CTDSPL2: variants seen among roughly 807,000 people sequenced by gnomAD.
CTDSPL2 encodes CTD small phosphatase like 2, also known as CTD small phosphatase-like protein 2.
Under a neutral mutation model 60.0 loss-of-function variants are expected in CTDSPL2, and 5 were observed. That is an observed-to-expected ratio of 0.08 (90% CI 0.04 to 0.18). CTDSPL2 has a LOEUF of 0.18. Ranked by LOEUF, CTDSPL2 falls within the 10% of genes least tolerant of loss-of-function variation. The probability of loss-of-function intolerance (pLI) is 1.00; values close to 1 mark genes in which losing one functional copy is unlikely to be tolerated. For synonymous variants in CTDSPL2, 186 were observed against 189.3 expected (o/e 0.98, Z 0.14); for missense variants, 370 against 548.8 (o/e 0.67, Z 3.26).
intron 2 of CTDSPL2, among the ~76,000 whole-genome samples, chr15:44,479,087 A>AC (rs2080977298): frequency 6.6e-6 from 1 of 152,058 alleles, no homozygotes; most frequent in Non-Finnish European, 1.5e-5. Context: ...CAAAAAAAAA[A>AC]AAACAAGTTT....
chr15:44,433,593 C>T (rs1456096866), intron 1 of CTDSPL2, among the ~76,000 whole-genome samples: 1 of 151,964 alleles, frequency 6.6e-6, no homozygotes, highest in East Asian at 1.9e-4. Context: ...AGTGATTGTC[C>T]TGCCTCAGCC....
At chr15:44,469,322 T>C (rs1595729437) in intron 2 of CTDSPL2, among the ~76,000 whole-genome samples, 1 of 152,282 alleles carries the variant, frequency 6.6e-6, no homozygotes, top group East Asian at 1.9e-4. Flanking sequence ...CATTTATAAG[T>C]ACAAAAAATA....
intron 7 of CTDSPL2, among the ~76,000 whole-genome samples, chr15:44,498,084 A>G: frequency 6.6e-6 from 1 of 152,110 alleles, no homozygotes. Context: ...ATATATAGTC[A>G]CATTTCCCCT....
chr15:44,459,151 C>T lies in CTDSPL2; in HGVS notation c.137C>T (p.Thr46Ile). 2 of 1,612,276 alleles carry T rather than the reference C, an allele frequency of 1.2e-6. No homozygotes were observed. Among genetic ancestry groups the T allele is most frequent in the Non-Finnish European group, 8.5e-7 (1 of 1,179,226 alleles). The change falls in exon 2 of 13, where the codon ACC becomes ATC. Residue 46 changes from threonine (T) to isoleucine (I), a missense_variant. Around this residue, in one of 6 missense-constraint regions of CTDSPL2, gnomAD observed 287 missense variants for 296.1 expected, o/e 0.97. Coordinates refer to ENST00000260327, the MANE Select transcript of CTDSPL2 (RefSeq NM_016396.3). Reference sequence around the variant, plus strand: ...GGAGAAAAACCATCGAAGAATGAAACCGGCTTGTTGTCTTCAATTAAAAAA... The same window carrying T: ...GGAGAAAAACCATCGAAGAATGAAATCGGCTTGTTGTCTTCAATTAAAAAA... Reference protein sequence around the residue: ...SGGEKPSKNETGLLSSIKKFI... With the variant: ...SGGEKPSKNEIGLLSSIKKFI...
chr15:44,499,631 A>G (rs2081356201), intron 7 of CTDSPL2, 96 bp from the exon 8 acceptor site: 5 of 694,722 alleles, frequency 7.2e-6, no homozygotes, highest in Non-Finnish European at 1.2e-5. Flanking sequence ...CAACATATGA[A>G]TGGGTGCTTT....
At chr15:44,469,258 T>C (rs752073758) in intron 2 of CTDSPL2, among the ~76,000 whole-genome samples, 1 of 152,230 alleles carries the variant, frequency 6.6e-6, no homozygotes, top group Non-Finnish European at 1.5e-5. Context: ...GAATTTCATA[T>C]AGTTTTCATG....
At chr15:44,473,209 C>T (rs557428755) in intron 2 of CTDSPL2, among the ~76,000 whole-genome samples, 26 of 152,176 alleles carry the variant, frequency 1.7e-4, no homozygotes, top group Non-Finnish European at 2.8e-4. Flanking sequence ...TGATGAAGTC[C>T]ACTTTGTTTA....
intron 2 of CTDSPL2, among the ~76,000 whole-genome samples, chr15:44,483,795 C>T (rs1389351056): frequency 6.6e-6 from 1 of 152,102 alleles, no homozygotes; most frequent in East Asian, 1.9e-4. Context: ...CCTTTATCCC[C>T]ACCCTCTATT....
intron 5 of CTDSPL2, among the ~76,000 whole-genome samples, chr15:44,492,103 A>T (rs1595754468): frequency 6.6e-6 from 1 of 152,192 alleles, no homozygotes; most frequent in East Asian, 1.9e-4. Context: ...TTCTGACTTC[A>T]AATGATCTGC....
chr15:44,484,113 A>T, intron 2 of CTDSPL2, 111 bp from the exon 3 acceptor site: 1 of 967,580 alleles, frequency 1.0e-6, no homozygotes, highest in Non-Finnish European at 1.5e-6. Flanking sequence ...TTTTTCCTGG[A>T]TATGAAAAGC....
chr15:44,501,892 T>C, intron 8 of CTDSPL2: 1 of 420,674 alleles, frequency 2.4e-6, no homozygotes, highest in South Asian at 1.8e-5. Flanking sequence ...AATCTTTGGG[T>C]TAGGGTTCCC....
Position 44,506,798 on chromosome 15 carries a change from G to A in CTDSPL2, c.969+6985G>A, listed in dbSNP as rs182400371. 7.5e-3 allele frequency among the ~76,000 whole-genome samples: 1,134 copies of A among 151,352 alleles called. 8 individuals are homozygous for A. The highest frequency in any genetic ancestry group is 0.012 in the Non-Finnish European group (834 of 67,842). On this transcript the variant is annotated intron_variant, in intron 8 of 12. Coordinates refer to ENST00000260327, the MANE Select transcript of CTDSPL2 (RefSeq NM_016396.3). Reference sequence around the variant, plus strand: ...AACTTTTTTTTTGAGACAGAGTCTCGCTCTGTCGCCCAGGCTGGAATGCAG... The same window carrying A: ...AACTTTTTTTTTGAGACAGAGTCTCACTCTGTCGCCCAGGCTGGAATGCAG...
intron 12 of CTDSPL2, among the ~76,000 whole-genome samples, chr15:44,523,246 G>A (rs777496982): frequency 1.3e-5 from 2 of 152,034 alleles, no homozygotes; most frequent in South Asian, 2.1e-4. Context: ...ATCTACCTGC[G>A]TTGGCTTCCC....
chr15:44,461,824 C>T (rs554676100), intron 2 of CTDSPL2, among the ~76,000 whole-genome samples: 42 of 152,192 alleles, frequency 2.8e-4, no homozygotes, highest in African/African-American at 9.9e-4. Flanking sequence ...AAGGTCTTAT[C>T]CTCATTATCT....
chr15:44,523,889 ACT>A (rs1223844164), intron 12 of CTDSPL2, among the ~76,000 whole-genome samples: 3 of 152,192 alleles, frequency 2.0e-5, no homozygotes, highest in Non-Finnish European at 4.4e-5. Flanking sequence ...ACAGAGCAAG[ACT>A]CTGTCTGAAA....
intron 7 of CTDSPL2, 99 bp from the exon 8 acceptor site, chr15:44,499,628 T>C (rs554584043): frequency 2.8e-5 from 19 of 684,100 alleles, no homozygotes; most frequent in African/African-American, 2.7e-4. Flanking sequence ...ATTCAACATA[T>C]GAATGGGTGC....
intron 8 of CTDSPL2, among the ~76,000 whole-genome samples, chr15:44,510,078 T>C (rs907855138): frequency 6.6e-6 from 1 of 151,624 alleles, no homozygotes. Context: ...CTCTGTCTCC[T>C]GGGTTCAAGC....
At chr15:44,462,706 T>C (rs935919719) in intron 2 of CTDSPL2, among the ~76,000 whole-genome samples, 3 of 135,988 alleles carry the variant, frequency 2.2e-5, no homozygotes, top group Non-Finnish European at 4.8e-5. Context: ...AGGACTTTTT[T>C]TTTTTTTTTT....
At chr15:44,522,771 C>G (rs916989581) in intron 12 of CTDSPL2, among the ~76,000 whole-genome samples, 2 of 152,102 alleles carry the variant, frequency 1.3e-5, no homozygotes, top group African/African-American at 2.4e-5. Flanking sequence ...ACAAAACAAA[C>G]AAACAAAATT....
Sources: gnomAD v4.1 joint callset for allele counts (sites outside exome capture counted in the v4.1 genomes callset) on GRCh38, gnomAD v4.1.1 for gene constraint, gnomAD v4.1.1 regional missense constraint, MANE v1.5 for transcripts, NCBI Gene and HGNC (gene_info 2026-07-23, HGNC 2026-07-21) for gene names.